WDR76: variants seen among roughly 807,000 people sequenced by gnomAD.
WDR76 encodes the protein WD repeat domain 76.
A neutral mutation model predicts 70.2 loss-of-function variants in WDR76; 52 were observed. The observed-to-expected ratio is 0.74, with a 90% CI of 0.59 to 0.93. The LOEUF (loss-of-function observed/expected upper bound fraction) is 0.93. Among genes scored for constraint, WDR76 ranks in the 40% least tolerant of loss-of-function variants. WDR76 has a pLI of 0.00. For synonymous variants in WDR76, 292 were observed against 271.1 expected (o/e 1.08, Z -0.76); for missense variants, 756 against 760.2 (o/e 0.99, Z 0.07).
Position 43,842,498 on chromosome 15 carries a change from A to G in WDR76, c.816A>G (p.Thr272=). ...AACGATTTAAAGGATTTCTGCACAC[A>G]TGGGCAGGAATGAGCAAGGTATCAC... ...NNERFKGFLH[T]WAGMSKPSSK... Residue 272 remains threonine, a synonymous_variant, in exon 6 of 13, where the codon ACA becomes ACG. Coordinates refer to ENST00000263795, the MANE Select transcript of WDR76 (RefSeq NM_024908.4). The G allele has an allele frequency of 1.9e-6, 3 of 1,613,968 alleles. No individual in the cohort carries two copies. Among genetic ancestry groups the G allele is most frequent in the East Asian group, 2.2e-5 (1 of 44,856 alleles).
Position 43,851,395 on chromosome 15 carries a change from T to G in WDR76, c.1191+150T>G, listed in dbSNP as rs2087858367. On this transcript the variant is annotated intron_variant, in intron 9 of 12. Transcript: ENST00000263795. ...GCCTAAGTTCAAATCCCAGATCATC[T>G]GTTACTAGTTGTATGACCTTGACAA... is the stretch of plus-strand genomic sequence containing the variant. 2.8e-6 allele frequency: 3 copies of G among 1,090,836 alleles called. No homozygotes were observed. In the African/African-American group the frequency reaches 4.8e-5, roughly 17 times the overall value. 67.6% of individuals were successfully genotyped at this position (1,090,836 alleles called of 1,614,324 possible).
chr15:43,840,011 C>T (rs1327699729), intron 5 of WDR76, among the ~76,000 whole-genome samples: 1 of 152,050 alleles, frequency 6.6e-6, no homozygotes, highest in Non-Finnish European at 1.5e-5. Flanking sequence ...GCACATGCCA[C>T]CATACCTGGC....
chr15:43,857,269 C>CAATATTACAATATTACAA, intron 10 of WDR76, 106 bp downstream of exon 10: 1 of 1,194,986 alleles, frequency 8.4e-7, no homozygotes, highest in Non-Finnish European at 1.1e-6. Flanking sequence ...AAAGGTATTA[C>CAATATTACAATATTACAA]TTTTGTAATA....
At chr15:43,865,020 G>A (rs2088052179) in intron 12 of WDR76, among the ~76,000 whole-genome samples, 1 of 152,164 alleles carries the variant, frequency 6.6e-6, no homozygotes, top group African/African-American at 2.4e-5. Flanking sequence ...CACCTCCCGG[G>A]TTCAAGCAAT....
intron 2 of WDR76, among the ~76,000 whole-genome samples, chr15:43,833,470 C>A (rs1251183268): frequency 6.6e-6 from 1 of 151,804 alleles, no homozygotes; most frequent in Non-Finnish European, 1.5e-5. Context: ...AGGCGCCCAC[C>A]ACCATGCCCG....
intron 8 of WDR76, among the ~76,000 whole-genome samples, chr15:43,844,820 C>T (rs1313711230): frequency 2.2e-5 from 3 of 135,514 alleles, no homozygotes; most frequent in African/African-American, 8.2e-5. Flanking sequence ...CCCAGCTACT[C>T]GGGAGGCTGA....
Position 43,866,433 on chromosome 15 carries a change from T to C in WDR76, c.*41T>C, listed in dbSNP as rs1299649324. The C allele has an allele frequency of 6.2e-7, 1 of 1,606,036 alleles. No homozygotes were observed. The highest frequency in any genetic ancestry group is 8.5e-7 in the Non-Finnish European group (1 of 1,174,074). On this transcript the variant is annotated 3_prime_UTR_variant, in exon 13 of 13. Coordinates refer to ENST00000263795, the MANE Select transcript of WDR76 (RefSeq NM_024908.4). ...ACATCAATTTGTTCAAATTGACCAC[T>C]GTCTAAGGAGCCTAGTAATCGGCGT...
intron 8 of WDR76, among the ~76,000 whole-genome samples, chr15:43,844,951 AAAGATC>A (rs1292425686): frequency 1.4e-5 from 2 of 140,788 alleles, no homozygotes; most frequent in Non-Finnish European, 3.1e-5. Context: ...AAAAAAAAAA[AAAGATC>A]AAAGTTTAGT....
intron 12 of WDR76, among the ~76,000 whole-genome samples, chr15:43,863,553 C>CT (rs35913356): frequency 0.084 from 11,866 of 141,526 alleles, 581 homozygotes; most frequent in Middle Eastern, 0.1. Context: ...TAACTACTCT[C>CT]TTTTTTAAAA....
In WDR76 at chr15:43,836,086, A is replaced by G. The variant is rs2087652176; in HGVS notation, c.553-75A>G. On this transcript the variant is annotated intron_variant, in intron 3 of 12. Transcript: ENST00000263795. ...ATAGACCTTAGTTTAGTGTGGGTATAGTAGCAGATGCTTAATATTTTAAAA... is the reference window on the plus strand; with the variant it reads ...ATAGACCTTAGTTTAGTGTGGGTATGGTAGCAGATGCTTAATATTTTAAAA... 5 of 1,352,022 alleles carry G rather than the reference A, an allele frequency of 3.7e-6. No homozygotes were observed. The South Asian group carries it at 7.3e-5, about 20-fold the overall frequency. The allele number at this position is 1,352,022 out of a possible 1,614,324, so 83.8% of individuals were successfully genotyped here. A position where few individuals can be genotyped will look rare whatever the true frequency, so the allele number is the denominator to read the frequency against.
At chr15:43,828,998 T>G (rs1386962979) in intron 2 of WDR76, among the ~76,000 whole-genome samples, 1 of 151,450 alleles carries the variant, frequency 6.6e-6, no homozygotes, top group Non-Finnish European at 1.5e-5. Flanking sequence ...GGCCTCCCAG[T>G]TTTAATAGAT....
intron 10 of WDR76, among the ~76,000 whole-genome samples, chr15:43,858,017 C>T (rs1395025802): frequency 6.8e-6 from 1 of 146,788 alleles, no homozygotes; most frequent in African/African-American, 2.5e-5. Context: ...ACTGCAACCT[C>T]CGCCTCCCAG....
intron 9 of WDR76, among the ~76,000 whole-genome samples, chr15:43,854,912 T>C (rs1044432470): frequency 5.3e-5 from 8 of 151,718 alleles, no homozygotes; most frequent in Admixed American, 2.0e-4. Flanking sequence ...GATTGTGCCA[T>C]TGTACTCTAG....
intron 1 of WDR76, 75 bp downstream of exon 1, chr15:43,827,167 A>T (rs2141718140): frequency 6.3e-7 from 1 of 1,596,580 alleles, no homozygotes; most frequent in East Asian, 2.2e-5. Flanking sequence ...ACACAGGCCC[A>T]GGAGGTCGAG....
intron 4 of WDR76, 113 bp from the exon 5 acceptor site, chr15:43,839,492 T>A: frequency 9.0e-7 from 1 of 1,109,746 alleles, no homozygotes; most frequent in East Asian, 2.7e-5. Flanking sequence ...TATATATCTA[T>A]GCAGTTTATA....
intron 2 of WDR76, among the ~76,000 whole-genome samples, chr15:43,833,306 C>CTTTCT (rs201183329): frequency 2.0e-5 from 3 of 149,826 alleles, no homozygotes; most frequent in African/African-American, 2.4e-5. Flanking sequence ...CGTTATTTTT[C>CTTTCT]TTTCTTTTCT....
Position 43,836,235 on chromosome 15 carries a change from A to G in WDR76, c.608+19A>G. 6.2e-7 allele frequency: 1 copy of G among 1,606,904 alleles called. No individual in the cohort carries two copies. The highest frequency in any genetic ancestry group is 8.5e-7 in the Non-Finnish European group (1 of 1,176,676). ...CCAAAAGGTAAAATATCTAGTTTGC[A>G]ATGCCTGAACCATGATACATTGCTC... On this transcript the variant is annotated intron_variant, in intron 4 of 12. Transcript: ENST00000263795.
rs542198263 is a variant in WDR76, at chr15:43,845,998, A to T, written c.1032+1944A>T. On this transcript the variant is annotated intron_variant, in intron 8 of 12. Transcript: ENST00000263795. ...TTGATAAGATGTGAGTGGGGATAGG[A>T]GGTGATAGGATTTAGCAAAGAAAAC... Among the ~76,000 whole-genome samples the T allele has an allele frequency of 3.5e-4, 52 of 150,220 alleles. 1 individual carries two copies. Among genetic ancestry groups the T allele is most frequent in the African/African-American group, 1.2e-3 (49 of 41,430 alleles).
intron 2 of WDR76, among the ~76,000 whole-genome samples, chr15:43,832,746 T>G (rs970390900): frequency 1.7e-4 from 15 of 90,130 alleles, no homozygotes; most frequent in African/African-American, 8.4e-4. Context: ...TTGCTTTGTT[T>G]TTTTTTTTTT....
Sources: allele counts gnomAD v4.1 joint callset (sites outside exome capture counted in the v4.1 genomes callset), GRCh38; gene constraint gnomAD v4.1.1; transcripts MANE v1.5; gene names NCBI Gene and HGNC (gene_info 2026-07-23, HGNC 2026-07-21).